RANBP17: variants seen among roughly 807,000 people sequenced by gnomAD.
RANBP17 encodes ran-binding protein 17.
A neutral mutation model predicts 141.2 loss-of-function variants in RANBP17; 158 were observed. The observed-to-expected ratio is 1.12, with a 90% CI of 0.98 to 1.28. RANBP17 has a LOEUF of 1.28. Ranked by LOEUF, RANBP17 falls within the 50% of genes most tolerant of loss-of-function variation. The pLI is 0.00. For missense variants in RANBP17, 1,438 were observed against 1,290.7 expected (o/e 1.11, Z -1.75); for synonymous variants, 430 against 450.0 (o/e 0.96, Z 0.56).
Position 170,914,163 on chromosome 5 carries a change from C to G in RANBP17, c.761-4C>G. On this transcript the variant is annotated splice_polypyrimidine_tract_variant and splice_region_variant and intron_variant, in intron 7 of 27. Transcript: ENST00000523189. ...TGGTGTTAGAAAATAATTTTTTTTC[C>G]CAGTTTTCCTGGAACCAGAAACATT... The G allele has an allele frequency of 6.3e-7, 1 of 1,594,630 alleles. No homozygotes were observed. Among genetic ancestry groups the G allele is most frequent in the Non-Finnish European group, 8.6e-7 (1 of 1,163,906 alleles).
chr5:171,267,632 C>T (rs191476158), intron 25 of RANBP17, among the ~76,000 whole-genome samples: 18 of 152,072 alleles, frequency 1.2e-4, no homozygotes, highest in African/African-American at 4.3e-4. Context: ...TATGGCGAAA[C>T]CCTGTCTCTA....
chr5:171,270,738 C>T (rs79556779), intron 25 of RANBP17, among the ~76,000 whole-genome samples: 5,596 of 152,040 alleles, frequency 0.037, 161 homozygotes, highest in Non-Finnish European at 0.06. Context: ...TGAGTAATTC[C>T]TTATAAGATT....
intron 14 of RANBP17, among the ~76,000 whole-genome samples, chr5:171,034,903 A>G (rs1781772916): frequency 6.6e-6 from 1 of 152,184 alleles, no homozygotes; most frequent in East Asian, 1.9e-4. Context: ...GGCTCCTGGC[A>G]GCTTCAACCT....
rs184882875 is a variant in RANBP17 at position 171,096,359 on chromosome 5, A to G, written c.1711-73771A>G. On this transcript the variant is annotated intron_variant, in intron 14 of 27. Coordinates refer to ENST00000523189, the MANE Select transcript of RANBP17 (RefSeq NM_022897.5). ...TAACTTATTGTTGTCTGTCTTCCAA[A>G]AAGGATTTGAAGCAAAAGTCACTAA... is the stretch of plus-strand genomic sequence containing the variant. Among the ~76,000 whole-genome samples the G allele has an allele frequency of 3.7e-3, 568 of 152,318 alleles. 4 individuals are homozygous for G. Among genetic ancestry groups the G allele is most frequent in the African/African-American group, 0.013 (552 of 41,562 alleles).
At chr5:171,145,639 C>T (rs955758690) in intron 14 of RANBP17, among the ~76,000 whole-genome samples, 8 of 152,046 alleles carry the variant, frequency 5.3e-5, no homozygotes, top group Non-Finnish European at 8.8e-5. Flanking sequence ...GCATAACAAG[C>T]GAGAACCAAT....
chr5:170,924,412 C>G lies in RANBP17; in HGVS notation c.1330C>G (p.Gln444Glu), dbSNP rs144819685. The G allele has an allele frequency of 3.7e-6, 6 of 1,609,166 alleles. No homozygotes were observed. The East Asian group carries it at 8.9e-5, about 24-fold the overall frequency. The change falls in exon 12 of 28, where the codon CAG becomes GAG. Residue 444 changes from glutamine (Q) to glutamate (E), a missense_variant. Gln to Glu is a conservative substitution (Grantham distance 29). Coordinates refer to ENST00000523189, the MANE Select transcript of RANBP17 (RefSeq NM_022897.5). Reference sequence around the variant, plus strand: ...TGCCACTGTGTTTCAGCAGTTGGAGCAGTTGTGCACGGTCAGCAGATGTGA... The same window carrying G: ...TGCCACTGTGTTTCAGCAGTTGGAGGAGTTGTGCACGGTCAGCAGATGTGA... ...DTATVFQQLEQLCTVSRCEYE... is the reference protein window; with the variant it reads ...DTATVFQQLEELCTVSRCEYE...
At chr5:171,055,312 G>GA (rs954967107) in intron 14 of RANBP17, among the ~76,000 whole-genome samples, 12 of 151,952 alleles carry the variant, frequency 7.9e-5, no homozygotes, top group African/African-American at 1.7e-4. Flanking sequence ...TGAATTGCAG[G>GA]AAAAAAACAT....
chr5:170,966,532 T>TAAATTA (rs1278901129), intron 13 of RANBP17, among the ~76,000 whole-genome samples: 1 of 152,166 alleles, frequency 6.6e-6, no homozygotes, highest in Non-Finnish European at 1.5e-5. Context: ...TAGGTATTGA[T>TAAATTA]GGGACGTATC....
chr5:170,894,862 A>G (rs1769977998), intron 4 of RANBP17, among the ~76,000 whole-genome samples: 1 of 152,180 alleles, frequency 6.6e-6, no homozygotes, highest in Non-Finnish European at 1.5e-5. Context: ...TCATTGAGAA[A>G]GACTTGCTAT....
intron 16 of RANBP17, among the ~76,000 whole-genome samples, chr5:171,172,123 T>C (rs976911492): frequency 6.6e-6 from 1 of 151,978 alleles, no homozygotes; most frequent in South Asian, 2.1e-4. Flanking sequence ...AAACCTTTAA[T>C]GTAGGTTCAT....
At chr5:170,893,955 CT>C (rs981282260) in intron 4 of RANBP17, among the ~76,000 whole-genome samples, 4 of 152,140 alleles carry the variant, frequency 2.6e-5, no homozygotes, top group Non-Finnish European at 4.4e-5. Context: ...CAACCCCTGT[CT>C]AAGATATAAC....
chr5:171,027,064 G>A (rs79555500), intron 14 of RANBP17, among the ~76,000 whole-genome samples: 3,686 of 152,262 alleles, frequency 0.024, 128 homozygotes, highest in African/African-American at 0.083. Flanking sequence ...AGGTGGGACA[G>A]TTTTATCCTG....
chr5:171,154,099 T>G (rs934538419), intron 14 of RANBP17, among the ~76,000 whole-genome samples: 8 of 13,402 alleles, frequency 6.0e-4, no homozygotes, highest in African/African-American at 2.1e-3. Context: ...TTCACTTTAG[T>G]TTTTTTTTTT....
At chr5:171,058,262 T>G (rs901266140) in intron 14 of RANBP17, among the ~76,000 whole-genome samples, 4 of 150,708 alleles carry the variant, frequency 2.7e-5, no homozygotes, top group Non-Finnish European at 4.4e-5. Flanking sequence ...CTGCACCCAT[T>G]AACTCATCAT....
At chr5:170,942,420 T>TA (rs962410005) in intron 12 of RANBP17, among the ~76,000 whole-genome samples, 4 of 152,004 alleles carry the variant, frequency 2.6e-5, no homozygotes, top group East Asian at 1.9e-4. Context: ...CAATATTATA[T>TA]AAAAAAATGA....
intron 14 of RANBP17, among the ~76,000 whole-genome samples, chr5:171,169,094 C>G (rs1055137460): frequency 1.3e-5 from 2 of 152,170 alleles, no homozygotes; most frequent in Non-Finnish European, 2.9e-5. Context: ...CTTTCCTCCC[C>G]TCTATGACCC....
At chr5:171,251,793 G>A (rs1765583204) in intron 24 of RANBP17, 2 of 1,164,422 alleles carry the variant, frequency 1.7e-6, no homozygotes, top group Non-Finnish European at 2.6e-6. Flanking sequence ...GTGATTGGGT[G>A]GAAGATGGTG....
chr5:171,117,361 A>G (rs1168691659), intron 14 of RANBP17, among the ~76,000 whole-genome samples: 3 of 152,064 alleles, frequency 2.0e-5, no homozygotes, highest in African/African-American at 7.2e-5. Context: ...TAGCCATCCT[A>G]ATGGGATGAA....
intron 22 of RANBP17, among the ~76,000 whole-genome samples, chr5:171,229,986 A>G (rs1331711127): frequency 6.6e-6 from 1 of 151,426 alleles, no homozygotes; most frequent in Non-Finnish European, 1.5e-5. Context: ...AATCGCTTGA[A>G]CCCGGAAGGC....
Sources: gnomAD v4.1 joint callset for allele counts (sites outside exome capture counted in the v4.1 genomes callset) on GRCh38, gnomAD v4.1.1 for gene constraint, MANE v1.5 for transcripts, NCBI Gene and HGNC (gene_info 2026-07-23, HGNC 2026-07-21) for gene names.